MAGI2: variants seen among roughly 807,000 people sequenced by gnomAD.
The protein encoded by MAGI2 is membrane associated guanylate kinase, WW and PDZ domain containing 2.
MAGI2 carries 35 observed loss-of-function variants against 133.3 expected under a neutral mutation model. The ratio of observed to expected loss-of-function variants is 0.26; its 90% CI spans 0.20 to 0.35. The LOEUF is 0.35. MAGI2 is among the 10% of genes least tolerant of loss of function. The pLI is 1.00. For synonymous variants in MAGI2, 729 were observed against 710.6 expected (o/e 1.03, Z -0.41); for missense variants, 1,636 against 1,863.4 (o/e 0.88, Z 2.25).
At chr7:78,843,297 C>T (rs550953833) in intron 2 of MAGI2, among the ~76,000 whole-genome samples, 24 of 151,976 alleles carry the variant, frequency 1.6e-4, no homozygotes, top group Middle Eastern at 3.4e-3. Context: ...TTGGATGTCC[C>T]TATTTTATGC....
intron 1 of MAGI2, among the ~76,000 whole-genome samples, chr7:79,121,508 C>G (rs569066165): frequency 6.6e-6 from 1 of 152,126 alleles, no homozygotes; most frequent in South Asian, 2.1e-4. Flanking sequence ...AGCCAATAAT[C>G]TCCACATTCA....
At chr7:79,336,110 A>C (rs1227353733) in intron 1 of MAGI2, among the ~76,000 whole-genome samples, 1 of 152,172 alleles carries the variant, frequency 6.6e-6, no homozygotes, top group South Asian at 2.1e-4. Context: ...AAAAATTGTT[A>C]TAGCAATAGC....
chr7:78,977,142 T>A (rs1804329005), intron 2 of MAGI2, among the ~76,000 whole-genome samples: 1 of 151,668 alleles, frequency 6.6e-6, no homozygotes, highest in Non-Finnish European at 1.5e-5. Context: ...AACAAAATAA[T>A]GAAGAAGGAC....
At chr7:78,887,415 G>A (rs576530345) in intron 2 of MAGI2, among the ~76,000 whole-genome samples, 194 of 152,290 alleles carry the variant, frequency 1.3e-3, no homozygotes, top group African/African-American at 4.4e-3. Flanking sequence ...CAGAAATTCT[G>A]GGAGCAAGCC....
intron 3 of MAGI2, among the ~76,000 whole-genome samples, chr7:78,562,422 T>C (rs1175992235): frequency 6.6e-6 from 1 of 152,214 alleles, no homozygotes; most frequent in Non-Finnish European, 1.5e-5. Context: ...TTGCTGCTCA[T>C]GTGCCATTTT....
chr7:78,210,417 T>C (rs1196061809), intron 10 of MAGI2, among the ~76,000 whole-genome samples: 1 of 152,202 alleles, frequency 6.6e-6, no homozygotes. Flanking sequence ...AAATCTGTGA[T>C]GACTTCTAGC....
At chr7:78,458,829 T>C (rs547456659) in intron 6 of MAGI2, among the ~76,000 whole-genome samples, 1 of 152,132 alleles carries the variant, frequency 6.6e-6, no homozygotes, top group Non-Finnish European at 1.5e-5. Flanking sequence ...AGAGACGGTG[T>C]TTCTCCGTGT....
At chr7:79,318,781 T>C (rs1352351453) in intron 1 of MAGI2, among the ~76,000 whole-genome samples, 2 of 152,128 alleles carry the variant, frequency 1.3e-5, no homozygotes, top group African/African-American at 2.4e-5. Context: ...AAATTTGCTG[T>C]AGTTTTTCTC....
chr7:79,251,016 G>A (rs375762532), intron 1 of MAGI2, among the ~76,000 whole-genome samples: 1 of 152,116 alleles, frequency 6.6e-6, no homozygotes, highest in African/African-American at 2.4e-5. Context: ...AAATGCTGCT[G>A]GGAAAGCTGG....
At chr7:79,444,006 G>C (rs897836706) in intron 1 of MAGI2, among the ~76,000 whole-genome samples, 1 of 151,766 alleles carries the variant, frequency 6.6e-6, no homozygotes, top group East Asian at 1.9e-4. Flanking sequence ...TTTTTCATTA[G>C]ACATACGCAA....
intron 1 of MAGI2, among the ~76,000 whole-genome samples, chr7:79,145,527 A>T (rs1822535285): frequency 6.6e-6 from 1 of 152,168 alleles, no homozygotes; most frequent in South Asian, 2.1e-4. Flanking sequence ...TGAATTAGGG[A>T]GAGCAAACAG....
chr7:78,294,610 A>C (rs1289184542), intron 9 of MAGI2, among the ~76,000 whole-genome samples: 2 of 152,156 alleles, frequency 1.3e-5, no homozygotes, highest in African/African-American at 4.8e-5. Context: ...TAGCAAATAG[A>C]GTCTCTCTTC....
intron 5 of MAGI2, among the ~76,000 whole-genome samples, chr7:78,495,803 G>T (rs1400281990): frequency 1.3e-5 from 2 of 152,088 alleles, no homozygotes; most frequent in African/African-American, 4.8e-5. Context: ...GGATATTGTG[G>T]ATGTGTATTG....
At chr7:78,406,310 A>T (rs1242326523) in intron 6 of MAGI2, among the ~76,000 whole-genome samples, 2 of 152,016 alleles carry the variant, frequency 1.3e-5, no homozygotes, top group Non-Finnish European at 2.9e-5. Context: ...ACAGTATTTA[A>T]ATTTAACCTT....
chr7:78,864,932 A>G (rs1223396033), intron 2 of MAGI2, among the ~76,000 whole-genome samples: 1 of 152,184 alleles, frequency 6.6e-6, no homozygotes, highest in Non-Finnish European at 1.5e-5. Context: ...CTATGTCTTC[A>G]AGGAGAGGAG....
At chr7:79,436,769 C>T (rs559806454) in intron 1 of MAGI2, among the ~76,000 whole-genome samples, 3 of 152,122 alleles carry the variant, frequency 2.0e-5, no homozygotes, top group Admixed American at 6.5e-5. Context: ...TAGTTCAATC[C>T]CTGTGGAAAG....
chr7:79,261,213 C>G (rs2129556416), intron 1 of MAGI2, among the ~76,000 whole-genome samples: 1 of 152,316 alleles, frequency 6.6e-6, no homozygotes, highest in East Asian at 1.9e-4. Context: ...TTCCCAATAG[C>G]TATTAGACTC....
chr7:79,047,754 T>C (rs1812311955), intron 1 of MAGI2, among the ~76,000 whole-genome samples: 1 of 152,174 alleles, frequency 6.6e-6, no homozygotes, highest in African/African-American at 2.4e-5. Context: ...TTCAAATTCC[T>C]TATAATCCCT....
In MAGI2 at chr7:79,438,554, C is replaced by T. The variant is rs369939518; in HGVS notation, c.301+14466G>A. On this transcript the variant is annotated intron_variant, in intron 1 of 21. Coordinates refer to ENST00000354212, the MANE Select transcript of MAGI2 (RefSeq NM_012301.4). ...TTTCTAGAACAGCTAAAGCCATTTC[C>T]CCTGTACAGTAAATTTTCGTCTTTG... 7.5e-4 allele frequency among the ~76,000 whole-genome samples: 114 copies of T among 152,160 alleles called. 4 individuals are homozygous for T. In the East Asian group the frequency reaches 0.02, roughly 27 times the overall value.
Sources: allele counts gnomAD v4.1 joint callset (sites outside exome capture counted in the v4.1 genomes callset), GRCh38; gene constraint gnomAD v4.1.1; transcripts MANE v1.5; gene names NCBI Gene and HGNC (gene_info 2026-07-23, HGNC 2026-07-21).